Variants in DNAH11 observed in about 807,000 individuals in gnomAD.
DNAH11 encodes axonemal beta dynein heavy chain 11.
A neutral mutation model predicts 526.0 loss-of-function variants in DNAH11; 442 were observed. The ratio of observed to expected loss-of-function variants is 0.84; its 90% CI spans 0.78 to 0.91. The LOEUF is 0.91. Ranked by LOEUF, DNAH11 falls within the 40% of genes least tolerant of loss-of-function variation. The pLI is 0.00. For synonymous variants in DNAH11, 2,461 were observed against 1,935.9 expected (o/e 1.27, Z -7.12); for missense variants, 6,989 against 5,448.7 (o/e 1.28, Z -8.90).
At chr7:21,892,787 C>A in intron 77 of DNAH11, 120 bp downstream of exon 77, 1 of 1,147,500 alleles carries the variant, frequency 8.7e-7, no homozygotes, top group Non-Finnish European at 1.2e-6. Context: ...ATACAACCAC[C>A]ACCTAGATCA....
chr7:21,743,354 C>T (rs901264702), intron 49 of DNAH11, among the ~76,000 whole-genome samples: 3 of 152,262 alleles, frequency 2.0e-5, no homozygotes, highest in South Asian at 2.1e-4. Context: ...TTGAAAATTA[C>T]CTTGCTTACC....
At chr7:21,838,415 C>T (rs1562576337) in intron 65 of DNAH11, among the ~76,000 whole-genome samples, 1 of 152,300 alleles carries the variant, frequency 6.6e-6, no homozygotes, top group East Asian at 1.9e-4. Flanking sequence ...AATTCACCCA[C>T]TCAAAGTGTG....
chr7:21,708,411 A>G (rs112075977), intron 40 of DNAH11, among the ~76,000 whole-genome samples: 1,528 of 152,286 alleles, frequency 0.01, 24 homozygotes, highest in African/African-American at 0.034. Flanking sequence ...CGCCTTCTCC[A>G]TAGATGCCAC....
At chr7:21,599,276 C>T (rs932374218) in intron 14 of DNAH11, among the ~76,000 whole-genome samples, 12 of 152,142 alleles carry the variant, frequency 7.9e-5, no homozygotes, top group South Asian at 4.1e-4. Context: ...ATAATAGCCT[C>T]AGTGGACTTT....
At chr7:21,736,005 T>G (rs896781595) in intron 46 of DNAH11, among the ~76,000 whole-genome samples, 161 bp downstream of exon 46, 1 of 152,234 alleles carries the variant, frequency 6.6e-6, no homozygotes, top group African/African-American at 2.4e-5. Flanking sequence ...ATACGTTGTT[T>G]AAATATTGTT....
chr7:21,774,908 C>A (rs1333753045), intron 56 of DNAH11, among the ~76,000 whole-genome samples: 1 of 152,188 alleles, frequency 6.6e-6, no homozygotes, highest in Non-Finnish European at 1.5e-5. Context: ...TTCTCAGAGT[C>A]ATGTCATCAG....
intron 42 of DNAH11, among the ~76,000 whole-genome samples, chr7:21,713,439 C>G (rs535126311): frequency 6.6e-6 from 1 of 152,314 alleles, no homozygotes; most frequent in South Asian, 2.1e-4. Context: ...GGCTCTGTCC[C>G]TCTGTGACTG....
intron 55 of DNAH11, among the ~76,000 whole-genome samples, chr7:21,766,823 A>G (rs906329905): frequency 6.6e-6 from 1 of 151,890 alleles, no homozygotes; most frequent in African/African-American, 2.4e-5. Flanking sequence ...TGAAATGTTT[A>G]TTAATCTAAT....
chr7:21,865,422 A>T (rs923778355), intron 70 of DNAH11, among the ~76,000 whole-genome samples: 4 of 152,236 alleles, frequency 2.6e-5, no homozygotes, highest in African/African-American at 9.6e-5. Context: ...CAGATGGCAC[A>T]TTCAAAAGGT....
chr7:21,774,549 G>A (rs1177661567), intron 56 of DNAH11, among the ~76,000 whole-genome samples: 1 of 152,154 alleles, frequency 6.6e-6, no homozygotes, highest in African/African-American at 2.4e-5. Context: ...AATCATCACA[G>A]GATGTTAATC....
intron 8 of DNAH11, among the ~76,000 whole-genome samples, chr7:21,577,199 C>T (rs548957231): frequency 1.6e-4 from 25 of 152,320 alleles, no homozygotes; most frequent in South Asian, 6.2e-4. Flanking sequence ...TAGCCAAAGG[C>T]TCAAGAAGGA....
chr7:21,784,893 G>T (rs1788107730), intron 58 of DNAH11, among the ~76,000 whole-genome samples: 1 of 152,130 alleles, frequency 6.6e-6, no homozygotes, highest in Admixed American at 6.6e-5. Flanking sequence ...CTAGGCGAAG[G>T]ATTCTTTATT....
intron 56 of DNAH11, among the ~76,000 whole-genome samples, chr7:21,775,230 G>C (rs1430058088): frequency 1.3e-5 from 2 of 152,158 alleles, no homozygotes; most frequent in Admixed American, 6.5e-5. Context: ...TAGGTTTCCA[G>C]GACGGTTGGG....
chr7:21,855,301 G>A (rs535542488), intron 68 of DNAH11, among the ~76,000 whole-genome samples: 2 of 152,286 alleles, frequency 1.3e-5, no homozygotes, highest in South Asian at 4.1e-4. Flanking sequence ...AAAGTGTTGG[G>A]ATTACAGGCG....
chr7:21,594,098 A>ACACACACTCT (rs534629301), intron 14 of DNAH11, among the ~76,000 whole-genome samples: 9 of 147,982 alleles, frequency 6.1e-5, no homozygotes, highest in East Asian at 2.0e-4. Flanking sequence ...ACACACACAC[A>ACACACACTCT]CTCTGAAGCC....
intron 30 of DNAH11, among the ~76,000 whole-genome samples, chr7:21,659,372 A>T (rs1012250993): frequency 6.6e-6 from 1 of 151,322 alleles, no homozygotes; most frequent in Admixed American, 6.6e-5. Flanking sequence ...GCATTATTCA[A>T]AATGGTGGAG....
Position 21,619,133 on chromosome 7 carries a change from G to C in DNAH11, c.4288G>C (p.Ala1430Pro), listed in dbSNP as rs1329757569. The C allele has an allele frequency of 6.2e-7, 1 of 1,613,532 alleles. No individual in the cohort carries two copies. Among genetic ancestry groups the C allele is most frequent in the East Asian group, 2.2e-5 (1 of 44,890 alleles). ...KFLINEATTL[A>P]DLLALRLHRV... ...TTTAATAAATGAAGCCACAACTTTGGCAGATTTGTTAGCACTGCGGTTACA... is the reference window on the plus strand; with the variant it reads ...TTTAATAAATGAAGCCACAACTTTGCCAGATTTGTTAGCACTGCGGTTACA... Residue 1430 changes from alanine to proline, a missense_variant, in exon 24 of 82, where the codon GCA becomes CCA. Transcript: ENST00000409508.
intron 73 of DNAH11, among the ~76,000 whole-genome samples, chr7:21,870,774 ATTTG>A (rs1034676027): frequency 4.1e-4 from 63 of 152,208 alleles, no homozygotes; most frequent in Non-Finnish European, 5.1e-4. Flanking sequence ...ACTTTTGGAT[ATTTG>A]TTTCAGACCT....
chr7:21,722,491 T>C (rs1430865729), intron 44 of DNAH11, among the ~76,000 whole-genome samples: 1 of 152,226 alleles, frequency 6.6e-6, no homozygotes, highest in Non-Finnish European at 1.5e-5. Context: ...TTGTTCACTG[T>C]AGATCAGAAA....
Sources: allele counts gnomAD v4.1 joint callset (sites outside exome capture counted in the v4.1 genomes callset), GRCh38; gene constraint gnomAD v4.1.1; transcripts MANE v1.5; gene names NCBI Gene and HGNC (gene_info 2026-07-23, HGNC 2026-07-21).